SAMD12: variants seen among roughly 807,000 people sequenced by gnomAD.
SAMD12 encodes sterile alpha motif domain-containing protein 12.
Under a neutral mutation model 15.0 loss-of-function variants are expected in SAMD12, and 9 were observed. That is an observed-to-expected ratio of 0.60 (90% CI 0.36 to 1.05). The LOEUF (loss-of-function observed/expected upper bound fraction) is 1.05. Ranked by LOEUF, SAMD12 falls within the 50% of genes least tolerant of loss-of-function variation. The probability of loss-of-function intolerance (pLI) is 0.01; values close to 1 mark genes in which losing one functional copy is unlikely to be tolerated. For synonymous variants in SAMD12, 86 were observed against 90.1 expected (o/e 0.96, Z 0.25); for missense variants, 230 against 234.2 (o/e 0.98, Z 0.12).
chr8:118,201,521 G>T (rs930904511), intron 4 of SAMD12, among the ~76,000 whole-genome samples: 1 of 152,136 alleles, frequency 6.6e-6, no homozygotes, highest in African/African-American at 2.4e-5. Context: ...TTTTTTGTGG[G>T]TGATGCCATG....
intron 4 of SAMD12, among the ~76,000 whole-genome samples, chr8:118,250,748 G>A (rs761187851): frequency 1.3e-5 from 2 of 151,452 alleles, no homozygotes; most frequent in African/African-American, 4.9e-5. Flanking sequence ...CAAGTAATCC[G>A]CCCGCTTCAG....
intron 4 of SAMD12, among the ~76,000 whole-genome samples, chr8:118,352,910 T>G (rs1818028378): frequency 6.7e-6 from 1 of 149,766 alleles, no homozygotes. Context: ...AATATAGCCC[T>G]GCAGGTATAT....
At chr8:118,375,695 T>C (rs1197836396), downstream of SAMD12, 3 of 151,048 alleles carry the variant, frequency 2.0e-5, no homozygotes, top group Non-Finnish European at 4.4e-5. Flanking sequence ...CCTTTTTCCT[T>C]CTTGTTTCTT....
intron 4 of SAMD12, among the ~76,000 whole-genome samples, chr8:118,316,272 T>C (rs958139816): frequency 1.3e-5 from 2 of 151,000 alleles, no homozygotes; most frequent in Non-Finnish European, 2.9e-5. Flanking sequence ...CGGTGGCTCA[T>C]GCCTGTAATC....
downstream of SAMD12, chr8:118,375,796 C>T (rs1412204314): frequency 6.6e-6 from 1 of 152,196 alleles, no homozygotes; most frequent in East Asian, 1.9e-4. Flanking sequence ...TCTCCATCCA[C>T]CATATTCCCT....
chr8:118,303,430 T>C (rs1188087310), intron 4 of SAMD12, among the ~76,000 whole-genome samples: 1 of 152,186 alleles, frequency 6.6e-6, no homozygotes, highest in Non-Finnish European at 1.5e-5. Flanking sequence ...TCCCAAATAC[T>C]GTATGGTTTC....
chr8:118,222,376 A>G (rs540418465), intron 4 of SAMD12, among the ~76,000 whole-genome samples: 1 of 152,314 alleles, frequency 6.6e-6, no homozygotes, highest in East Asian at 1.9e-4. Flanking sequence ...CAGCTATGTG[A>G]CCTAGAGTGT....
At chr8:118,226,612 A>G (rs1438953643) in intron 4 of SAMD12, among the ~76,000 whole-genome samples, 1 of 152,234 alleles carries the variant, frequency 6.6e-6, no homozygotes. Flanking sequence ...TATGCTGTGC[A>G]CTTTGTAAGA....
At chr8:118,506,312 C>T (rs1439224365) in intron 2 of SAMD12, among the ~76,000 whole-genome samples, 1 of 152,148 alleles carries the variant, frequency 6.6e-6, no homozygotes, top group Non-Finnish European at 1.5e-5. Flanking sequence ...AATCACTTTC[C>T]TATGCTTGAG....
At chr8:118,518,071 C>T (rs1268919052) in intron 2 of SAMD12, among the ~76,000 whole-genome samples, 1 of 152,156 alleles carries the variant, frequency 6.6e-6, no homozygotes, top group East Asian at 1.9e-4. Flanking sequence ...GACAAAAAGT[C>T]CTATAAAGAT....
intron 2 of SAMD12, among the ~76,000 whole-genome samples, chr8:118,538,750 A>G (rs777713637): frequency 5.3e-5 from 8 of 152,160 alleles, no homozygotes; most frequent in Admixed American, 1.3e-4. Context: ...TTTGGTTCCT[A>G]CGAAGGTGCT....
intron 2 of SAMD12, among the ~76,000 whole-genome samples, chr8:118,537,818 T>A (rs767703851): frequency 1.8e-4 from 27 of 152,324 alleles, no homozygotes; most frequent in Non-Finnish European, 3.4e-4. Flanking sequence ...CCTTACTTAG[T>A]CCTTTTGTTG....
chr8:118,236,326 C>A (rs1812428845), intron 4 of SAMD12, among the ~76,000 whole-genome samples: 1 of 152,240 alleles, frequency 6.6e-6, no homozygotes, highest in Non-Finnish European at 1.5e-5. Flanking sequence ...TTATTAAACT[C>A]CGTGGTATAC....
At chr8:118,210,373 T>C (rs1388002080) in intron 4 of SAMD12, among the ~76,000 whole-genome samples, 3 of 152,214 alleles carry the variant, frequency 2.0e-5, no homozygotes, top group Non-Finnish European at 2.9e-5. Flanking sequence ...CTTAGTTATA[T>C]GCACTTCCAC....
the SAMD12 span, among the ~76,000 whole-genome samples, chr8:118,137,999 G>C: frequency 6.6e-6 from 1 of 151,668 alleles, no homozygotes; most frequent in Non-Finnish European, 1.5e-5. Context: ...TAAAATTAGA[G>C]AGGAAAATGA....
intron 3 of SAMD12, among the ~76,000 whole-genome samples, chr8:118,408,905 T>A (rs1821260778): frequency 6.6e-6 from 1 of 152,038 alleles, no homozygotes; most frequent in Non-Finnish European, 1.5e-5. Flanking sequence ...AAAAAATTAA[T>A]TTTGTTTGTT....
chr8:118,554,046 C>A lies in SAMD12; in HGVS notation c.192+26669G>T, dbSNP rs867671160. Among the ~76,000 whole-genome samples the A allele has an allele frequency of 6.3e-3, 961 of 151,774 alleles. 4 individuals carry two copies. Among genetic ancestry groups the A allele is most frequent in the African/African-American group, 0.02 (817 of 41,188 alleles). ...AGTCAGGAAACAACAGGTGCTGGAG[C>A]GGATGTGGAGAAATAGGAACACTTT... On this transcript the variant is annotated intron_variant, in intron 2 of 3. Transcript: ENST00000314727.
At chr8:118,241,195 ACTT>A (rs1812554447) in intron 4 of SAMD12, among the ~76,000 whole-genome samples, 4 of 152,082 alleles carry the variant, frequency 2.6e-5, no homozygotes, top group South Asian at 4.1e-4. Flanking sequence ...GTGATTAGAA[ACTT>A]CTTCTTACTT....
intron 2 of SAMD12, among the ~76,000 whole-genome samples, chr8:118,536,483 C>CACACAT (rs1360675480): frequency 0.014 from 2,153 of 150,346 alleles, 60 homozygotes; most frequent in African/African-American, 0.049. Context: ...CACACACACA[C>CACACAT]ATAAATGGAT....
Sources: allele counts gnomAD v4.1 joint callset (sites outside exome capture counted in the v4.1 genomes callset), GRCh38; gene constraint gnomAD v4.1.1; transcripts MANE v1.5; gene names NCBI Gene and HGNC (gene_info 2026-07-23, HGNC 2026-07-21).